Variants in VPS39 observed in about 807,000 individuals in gnomAD.
VPS39 encodes vam6/Vps39-like protein.
Under a neutral mutation model 121.0 loss-of-function variants are expected in VPS39, and 70 were observed. The ratio of observed to expected loss-of-function variants is 0.58; its 90% CI spans 0.48 to 0.71. The LOEUF (loss-of-function observed/expected upper bound fraction) is 0.71, where lower values mean the gene tolerates loss of function less well. Ranked by LOEUF, VPS39 falls within the 30% of genes least tolerant of loss-of-function variation. VPS39 has a pLI of 0.00. For missense variants in VPS39, 818 were observed against 1,051.5 expected (o/e 0.78, Z 3.07); for synonymous variants, 378 against 398.1 (o/e 0.95, Z 0.60).
chr15:42,162,687 A>G, intron 21 of VPS39: 1 of 503,170 alleles, frequency 2.0e-6, no homozygotes. Flanking sequence ...CCCTGAGAGA[A>G]AAAACCAAAT....
chr15:42,182,608 C>T (rs2049604712), intron 8 of VPS39, among the ~76,000 whole-genome samples: 1 of 152,202 alleles, frequency 6.6e-6, no homozygotes, highest in Admixed American at 6.5e-5. Context: ...TGCATCCAGA[C>T]CTCACAGAGC....
chr15:42,169,555 T>C (rs1410344622), intron 12 of VPS39, among the ~76,000 whole-genome samples, 169 bp downstream of exon 12: 1 of 152,216 alleles, frequency 6.6e-6, no homozygotes. Context: ...ACCTCAATGG[T>C]ACTGTAAAGT....
At chr15:42,170,685 G>A (rs1410081795) in intron 11 of VPS39, among the ~76,000 whole-genome samples, 2 of 148,828 alleles carry the variant, frequency 1.3e-5, no homozygotes, top group Non-Finnish European at 3.0e-5. Flanking sequence ...CAATGTCAAA[G>A]AGGTGACATT....
chr15:42,196,371 A>T (rs1354273971), intron 2 of VPS39, among the ~76,000 whole-genome samples: 1 of 152,208 alleles, frequency 6.6e-6, no homozygotes, highest in Non-Finnish European at 1.5e-5. Context: ...AACTACCATC[A>T]GAGTGAACAG....
Position 42,165,755 on chromosome 15 carries a change from A to C in VPS39, c.1742T>G (p.Leu581Ter), listed in dbSNP as rs2049229176. 1 of 1,614,036 alleles carries C rather than the reference A, an allele frequency of 6.2e-7. No individual in the cohort carries two copies. The highest frequency in any genetic ancestry group is 1.3e-5 in the African/African-American group (1 of 74,908). ...SLPRDRVLGF[L>*]IENFKGLAIP... ...AGCCAGACCCTTAAAATTCTCTATTAAGAAGCCGAGGACTCGATCACGTGG... is the reference window on the plus strand; with the variant it reads ...AGCCAGACCCTTAAAATTCTCTATTCAGAAGCCGAGGACTCGATCACGTGG... Residue 581 changes from leucine (L) to a stop codon, truncating the protein, a stop_gained, in exon 17 of 25, where the codon TTA (leucine) becomes TGA (stop). Coordinates refer to ENST00000318006, the MANE Select transcript of VPS39 (RefSeq NM_015289.5). LOFTEE classifies it high-confidence loss of function.
At chr15:42,162,189 G>A (rs768635679) in intron 22 of VPS39, 23 bp from the exon 23 acceptor site, 1 of 1,613,928 alleles carries the variant, frequency 6.2e-7, no homozygotes, top group Non-Finnish European at 8.5e-7. Flanking sequence ...ACAGAGATAG[G>A]GACTGGGTGA....
At position 42,165,744 on chromosome 15, in the gene VPS39, A is replaced by T; in HGVS notation, c.1753T>A (p.Phe585Ile). ...DRVLGFLIEN[F>I]KGLAIPYLEH... is the part of the protein sequence containing the mutation. ...AGATAAGGAATAGCCAGACCCTTAA[A>T]ATTCTCTATTAAGAAGCCGAGGACT... The change falls in exon 17 of 25, where the codon TTT (phenylalanine) becomes ATT (isoleucine). Residue 585 changes from phenylalanine to isoleucine, a missense_variant. Transcript: ENST00000318006. The T allele has an allele frequency of 6.2e-7, 1 of 1,614,122 alleles. No individual in the cohort carries two copies. Among genetic ancestry groups the T allele is most frequent in the African/African-American group, 1.3e-5 (1 of 75,022 alleles).
intron 11 of VPS39, among the ~76,000 whole-genome samples, chr15:42,170,286 A>G (rs2049322448): frequency 6.6e-6 from 1 of 152,232 alleles, no homozygotes. Flanking sequence ...TATATATGGC[A>G]AGAGGCTAAT....
chr15:42,173,591 G>A (rs2140851076), intron 11 of VPS39, 132 bp downstream of exon 11: 1 of 1,197,952 alleles, frequency 8.3e-7, no homozygotes, highest in South Asian at 1.5e-5. Flanking sequence ...ACAGGATCTT[G>A]CTAGGTATGA....
At chr15:42,200,205 G>A (rs2050038449) in intron 1 of VPS39, among the ~76,000 whole-genome samples, 1 of 151,902 alleles carries the variant, frequency 6.6e-6, no homozygotes, top group South Asian at 2.1e-4. Flanking sequence ...ACATATCAGA[G>A]GATAAAAATG....
At chr15:42,193,574 C>CT (rs74379728) in intron 2 of VPS39, among the ~76,000 whole-genome samples, 22,926 of 152,124 alleles carry the variant, frequency 0.15, 2,360 homozygotes, top group African/African-American at 0.27. Context: ...GATTTTAAAA[C>CT]TCATGCATTA....
At chr15:42,177,179 A>C (rs1013397482) in intron 10 of VPS39, among the ~76,000 whole-genome samples, 2 of 151,356 alleles carry the variant, frequency 1.3e-5, no homozygotes, top group African/African-American at 2.4e-5. Flanking sequence ...AAAAAAAAAA[A>C]AAAAAAAAAA....
chr15:42,189,110 T>A lies in VPS39; in HGVS notation c.342+4A>T. On this transcript the variant is annotated splice_donor_region_variant and intron_variant, in intron 5 of 24. Transcript: ENST00000318006. ...AAGCCAAATTTCATCTTGGGTAAAC[T>A]TACCTGGAGGTCACAAGTAAACAGT... The A allele has an allele frequency of 6.2e-7, 1 of 1,612,546 alleles. No homozygotes were observed. Among genetic ancestry groups the A allele is most frequent in the African/African-American group, 1.3e-5 (1 of 75,014 alleles).
chr15:42,179,622 T>TAAATAAAA (rs2049537660), intron 8 of VPS39, among the ~76,000 whole-genome samples: 4 of 117,594 alleles, frequency 3.4e-5, no homozygotes, highest in African/African-American at 1.2e-4. Context: ...AATAAATAAA[T>TAAATAAAA]AAAATAAAAA....
chr15:42,165,667 T>G, intron 17 of VPS39, 51 bp downstream of exon 17: 1 of 1,473,736 alleles, frequency 6.8e-7, no homozygotes, highest in Non-Finnish European at 9.5e-7. Context: ...AACCACGCAG[T>G]CCTGGATCCT....
At chr15:42,196,294 T>A (rs539434930) in intron 2 of VPS39, among the ~76,000 whole-genome samples, 3 of 151,952 alleles carry the variant, frequency 2.0e-5, no homozygotes, top group Non-Finnish European at 4.4e-5. Context: ...CCAAAAGCAA[T>A]GGCAACAAAA....
intron 2 of VPS39, among the ~76,000 whole-genome samples, chr15:42,197,356 A>G (rs2049963614): frequency 6.6e-6 from 1 of 151,744 alleles, no homozygotes; most frequent in African/African-American, 2.4e-5. Flanking sequence ...ACCTAAAAAA[A>G]AAAAAAGAAA....
At chr15:42,178,679 C>T in intron 8 of VPS39, 109 bp from the exon 9 acceptor site, 5 of 1,477,274 alleles carry the variant, frequency 3.4e-6, no homozygotes, top group East Asian at 2.3e-5. Flanking sequence ...CAAAAAGTCC[C>T]CTAGTCAAAT....
chr15:42,161,412 A>G (rs970054815), intron 24 of VPS39: 2 of 529,202 alleles, frequency 3.8e-6, no homozygotes, highest in Admixed American at 2.8e-5. Flanking sequence ...GGCACCCACT[A>G]TATCAGGTTC....
Sources: allele counts gnomAD v4.1 joint callset (sites outside exome capture counted in the v4.1 genomes callset), GRCh38; gene constraint gnomAD v4.1.1; transcripts MANE v1.5; gene names NCBI Gene and HGNC (gene_info 2026-07-23, HGNC 2026-07-21).